The following RBFOX1 variants were observed in gnomAD, a reference collection of about 807,000 sequenced individuals.
The protein encoded by RBFOX1 is RNA binding fox-1 homolog 1.
RBFOX1 carries 8 observed loss-of-function variants against 57.7 expected under a neutral mutation model. That is an observed-to-expected ratio of 0.14 (90% confidence interval 0.08 to 0.25). The LOEUF is 0.25. Among genes scored for constraint, RBFOX1 ranks in the 10% least tolerant of loss-of-function variants. The pLI, the probability that RBFOX1 is intolerant of heterozygous loss-of-function variation, is 1.00. For missense variants in RBFOX1, 611 were observed against 548.5 expected (o/e 1.11, Z -1.14); for synonymous variants, 326 against 222.4 (o/e 1.47, Z -4.15).
chr16:6,844,185 C>T (rs181307413), intron 3 of RBFOX1, among the ~76,000 whole-genome samples: 2 of 151,658 alleles, frequency 1.3e-5, no homozygotes, highest in East Asian at 1.9e-4. Context: ...CTGGAGGAAT[C>T]TTCTTTTTTT....
In RBFOX1 at chr16:7,264,798, C is replaced by G. The variant is rs111486408; in HGVS notation, c.27+212700C>G. On this transcript the variant is annotated intron_variant, in intron 4 of 15. Transcript: ENST00000550418. ...ATTTGGCCCTTAGGCTGTCATTTGC[C>G]AGCCCTGGTCCAAACTTTAAAGTAC... 4.8e-3 allele frequency among the ~76,000 whole-genome samples: 731 copies of G among 152,228 alleles called. 1 individual carries two copies. The highest frequency in any genetic ancestry group is 8.5e-3 in the Non-Finnish European group (578 of 68,012).
chr16:6,590,685 C>G (rs543878861), intron 2 of RBFOX1, among the ~76,000 whole-genome samples: 3 of 152,252 alleles, frequency 2.0e-5, no homozygotes, highest in Admixed American at 6.5e-5. Context: ...ATGCATACTA[C>G]GAATCTTTCT....
intron 2 of RBFOX1, among the ~76,000 whole-genome samples, chr16:6,555,824 G>C (rs944104169): frequency 1.3e-5 from 2 of 152,158 alleles, no homozygotes; most frequent in African/African-American, 4.8e-5. Flanking sequence ...GCCTATTCTA[G>C]ACATTTTCTT....
At chr16:6,227,994 T>A (rs945010728) in intron 1 of RBFOX1, among the ~76,000 whole-genome samples, 2 of 152,096 alleles carry the variant, frequency 1.3e-5, no homozygotes, top group African/African-American at 4.8e-5. Context: ...CACTCCTGTG[T>A]TTATTGCAGC....
chr16:6,216,262 A>G (rs1041591654), intron 1 of RBFOX1, among the ~76,000 whole-genome samples: 2 of 152,144 alleles, frequency 1.3e-5, no homozygotes, highest in Admixed American at 6.5e-5. Context: ...AAACCTGCAC[A>G]TATACCCCTG....
chr16:7,650,685 T>G (rs759424825), intron 11 of RBFOX1, among the ~76,000 whole-genome samples: 1 of 152,210 alleles, frequency 6.6e-6, no homozygotes, highest in African/African-American at 2.4e-5. Context: ...CTCGGCTCCA[T>G]AGCCAGTGAC....
intron 3 of RBFOX1, among the ~76,000 whole-genome samples, chr16:6,924,231 A>T (rs2075096794): frequency 6.6e-6 from 1 of 152,008 alleles, no homozygotes; most frequent in African/African-American, 2.4e-5. Flanking sequence ...ATTTATAAAG[A>T]AAAGAGGTTT....
rs538739844 is a variant in RBFOX1, at chr16:7,646,817, T to C, written c.758-6998T>C. Among the ~76,000 whole-genome samples, 134 of 152,316 alleles carry C rather than the reference T, an allele frequency of 8.8e-4. 2 individuals carry two copies. Among genetic ancestry groups the C allele is most frequent in the African/African-American group, 3.2e-3 (131 of 41,570 alleles). The stretch of plus-strand genomic sequence containing the variant: ...TTGTGTTTTTTCTCTTGGGATTTCC[T>C]GGCTGGTGAGATGATCTCATTTGTG... On this transcript the variant is annotated intron_variant, in intron 11 of 15. Coordinates refer to ENST00000550418, the MANE Select transcript of RBFOX1 (RefSeq NM_018723.4).
intron 3 of RBFOX1, among the ~76,000 whole-genome samples, chr16:6,784,944 G>T (rs1358569292): frequency 2.6e-5 from 4 of 152,014 alleles, no homozygotes; most frequent in African/African-American, 7.2e-5. Context: ...CACAAGCAGT[G>T]TTTCTTAACT....
At chr16:6,967,928 G>A (rs1018276356) in intron 3 of RBFOX1, among the ~76,000 whole-genome samples, 1 of 152,174 alleles carries the variant, frequency 6.6e-6, no homozygotes, top group Admixed American at 6.5e-5. Flanking sequence ...CAACTGTTCA[G>A]CTGCCCCGGG....
At chr16:6,063,879 C>T (rs1194594388) in intron 1 of RBFOX1, among the ~76,000 whole-genome samples, 3 of 152,122 alleles carry the variant, frequency 2.0e-5, no homozygotes, top group Admixed American at 2.0e-4. Context: ...CCTTTACTGG[C>T]CAAGATTTCT....
At chr16:5,957,324 C>T (rs1321771283) in intron 4 of RBFOX1, among the ~76,000 whole-genome samples, 1 of 152,188 alleles carries the variant, frequency 6.6e-6, no homozygotes, top group Non-Finnish European at 1.5e-5. Context: ...AAGCGATTCT[C>T]TTGCCTCAGC....
chr16:6,936,316 G>C (rs1286179247), intron 3 of RBFOX1, among the ~76,000 whole-genome samples: 2 of 152,182 alleles, frequency 1.3e-5, no homozygotes, highest in African/African-American at 2.4e-5. Context: ...GGAAATGCAA[G>C]ATATTTGTTT....
In RBFOX1 at chr16:7,311,223, C is replaced by G. The variant is rs547888381; in HGVS notation, c.28-206924C>G. Among the ~76,000 whole-genome samples the G allele has an allele frequency of 7.2e-5, 11 of 152,278 alleles. No homozygotes were observed. In the South Asian group the frequency reaches 1.9e-3, roughly 26 times the overall value. On this transcript the variant is annotated intron_variant, in intron 4 of 15. Transcript: ENST00000550418. ...GTGGTCCTTAGCACTCAGCCAAGCT[C>G]TAGCTGAAGAGCAGTCCTACCCTGT...
At chr16:6,675,106 A>C (rs1274485691) in intron 3 of RBFOX1, among the ~76,000 whole-genome samples, 2 of 151,940 alleles carry the variant, frequency 1.3e-5, no homozygotes, top group Non-Finnish European at 2.9e-5. Context: ...GGGTTTCACC[A>C]TGTTGGCCAG....
In RBFOX1 at chr16:7,594,526, A is replaced by G. The variant is rs149507204; in HGVS notation, c.469-1023A>G. 7.4e-4 allele frequency among the ~76,000 whole-genome samples: 112 copies of G among 152,336 alleles called. 1 individual carries two copies. The East Asian group carries it at 0.019, about 27-fold the overall frequency. The stretch of plus-strand genomic sequence containing the variant: ...TGTGTCGTATTTTCTGTACTTAGGA[A>G]CAATGTCAGTGAAGACAAAATACGG... On this transcript the variant is annotated intron_variant, in intron 7 of 15. Transcript: ENST00000550418.
intron 1 of RBFOX1, among the ~76,000 whole-genome samples, chr16:5,332,178 AT>A (rs1437514719): frequency 6.6e-6 from 1 of 152,116 alleles, no homozygotes; most frequent in Non-Finnish European, 1.5e-5. Flanking sequence ...GTGTGGTTTT[AT>A]TTATTGTTTC....
At chr16:6,675,770 T>C (rs1280620592) in intron 3 of RBFOX1, among the ~76,000 whole-genome samples, 1 of 152,128 alleles carries the variant, frequency 6.6e-6, no homozygotes, top group African/African-American at 2.4e-5. Flanking sequence ...ATTTACTCAC[T>C]ACCACAAGAA....
At chr16:7,099,366 G>A (rs2062258178) in intron 4 of RBFOX1, among the ~76,000 whole-genome samples, 1 of 152,084 alleles carries the variant, frequency 6.6e-6, no homozygotes, top group East Asian at 1.9e-4. Context: ...GATCTTTCTT[G>A]GGTGTTTTAT....
Sources: allele counts gnomAD v4.1 joint callset (sites outside exome capture counted in the v4.1 genomes callset), GRCh38; gene constraint gnomAD v4.1.1; transcripts MANE v1.5; gene names NCBI Gene and HGNC (gene_info 2026-07-23, HGNC 2026-07-21).